The following MCM9 variants were observed in gnomAD, a reference collection of about 807,000 sequenced individuals.
MCM9 encodes DNA helicase MCM9.
A neutral mutation model predicts 72.8 loss-of-function variants in MCM9; 55 were observed. The ratio of observed to expected loss-of-function variants is 0.76; its 90% CI spans 0.61 to 0.95. MCM9 has a LOEUF of 0.95. MCM9 is among the 40% of genes least tolerant of loss of function. The pLI, the probability that MCM9 is intolerant of heterozygous loss-of-function variation, is 0.00. For synonymous variants in MCM9, 480 were observed against 503.4 expected, an observed-to-expected ratio of 0.95 and a Z score of 0.62; for missense variants, 1,279 against 1,377.0, an observed-to-expected ratio of 0.93 and a Z score of 1.13.
intron 9 of MCM9, 30 bp from the exon 10 acceptor site, chr6:118,829,280 T>C (rs780285848): frequency 1.1e-4 from 172 of 1,520,334 alleles, no homozygotes; most frequent in Non-Finnish European, 1.4e-4. Flanking sequence ...AATTCACTGA[T>C]TGTGAGGTTC....
At chr6:118,893,988 CGGCCTCCGCGCG>C (rs1779155098) in intron 8 of MCM9, 2 of 983,694 alleles carry the variant, frequency 2.0e-6, no homozygotes, top group Non-Finnish European at 1.2e-6. Flanking sequence ...CCGCCGCCGG[CGGCCTCCGCGCG>C]GGCCTCCCAG....
At position 118,815,568 on chromosome 6, in the gene MCM9, C is replaced by A. The variant is rs140736281; in HGVS notation, c.2688G>T (p.Pro896=). The part of the protein sequence containing the change: ...RMLDSPKRKR[P]KSLAQVEEPA... ...GCTCTTCCACTTGCGCAAGGGATTT[C>A]GGTCTCTTTCTTTTGGGTGAGTCCA... Residue 896 remains proline (P), a synonymous_variant, in exon 14 of 14, where the codon CCG becomes CCT. Transcript: ENST00000619706. 8 of 1,550,266 alleles carry A rather than the reference C, an allele frequency of 5.2e-6. No individual in the cohort carries two copies. In the South Asian group the frequency reaches 9.5e-5, roughly 18 times the overall value.
chr6:118,839,566 T>C (rs1321606023), intron 9 of MCM9, among the ~76,000 whole-genome samples: 3 of 152,218 alleles, frequency 2.0e-5, no homozygotes, highest in Non-Finnish European at 4.4e-5. Context: ...TGGATTTATC[T>C]ACCTACAGTC....
intron 9 of MCM9, among the ~76,000 whole-genome samples, 182 bp from the exon 10 acceptor site, chr6:118,829,432 A>G (rs1774383015): frequency 6.6e-6 from 1 of 152,216 alleles, no homozygotes; most frequent in Non-Finnish European, 1.5e-5. Context: ...TACTGAAACT[A>G]TTCTATCTTA....
At chr6:118,878,674 C>A (rs1487624096) in intron 8 of MCM9, among the ~76,000 whole-genome samples, 1 of 151,830 alleles carries the variant, frequency 6.6e-6, no homozygotes, top group Non-Finnish European at 1.5e-5. Flanking sequence ...TTGGTAATAA[C>A]CCCCAAGGCA....
chr6:118,867,068 A>C (rs1777260731), intron 8 of MCM9, among the ~76,000 whole-genome samples: 1 of 151,850 alleles, frequency 6.6e-6, no homozygotes, highest in Non-Finnish European at 1.5e-5. Context: ...TCAACCAATA[A>C]CTCTATACTC....
At chr6:118,917,825 G>T in intron 5 of MCM9, 64 bp from the exon 6 acceptor site, 1 of 1,382,446 alleles carries the variant, frequency 7.2e-7, no homozygotes, top group South Asian at 1.2e-5. Flanking sequence ...GACTCAAAAT[G>T]ACAAAGGACC....
At position 118,814,976 on chromosome 6, in the gene MCM9, C is replaced by T. The variant is rs1773317139; in HGVS notation, c.3280G>A (p.Ala1094Thr). Residue 1094 changes from alanine (A) to threonine (T), a missense_variant, in exon 14 of 14, where the codon GCT (alanine) becomes ACT (threonine). Transcript: ENST00000619706. ...RGPSSPPTTT[A>T]PMRVSKRKSF... ...TTCCTTTTACTGACACGCATTGGAGCTGTGGTTGTAGGAGGGGAGCTTGGG... is the reference window on the plus strand; with the variant it reads ...TTCCTTTTACTGACACGCATTGGAGTTGTGGTTGTAGGAGGGGAGCTTGGG... 6.5e-7 allele frequency: 1 copy of T among 1,550,250 alleles called. No individual in the cohort carries two copies. The highest frequency in any genetic ancestry group is 1.4e-5 in the African/African-American group (1 of 72,962).
At chr6:118,851,687 T>C (rs909567258) in intron 9 of MCM9, among the ~76,000 whole-genome samples, 3 of 151,794 alleles carry the variant, frequency 2.0e-5, no homozygotes, top group African/African-American at 7.3e-5. Flanking sequence ...TGTAAAGAAA[T>C]TGCAAGGCTA....
chr6:118,816,845 G>GT (rs35416621), intron 13 of MCM9, among the ~76,000 whole-genome samples: 20,598 of 152,138 alleles, frequency 0.14, 1,548 homozygotes, highest in Non-Finnish European at 0.17. Context: ...GGAGTCAAGA[G>GT]TCTGTGATAC....
At chr6:118,911,232 CAGT>C (rs1780522620) in intron 8 of MCM9, 5 of 986,744 alleles carry the variant, frequency 5.1e-6, no homozygotes, top group African/African-American at 1.7e-5. Context: ...TAAGAAATTT[CAGT>C]AGGAGCTACT....
chr6:118,899,228 A>T (rs570015649), intron 8 of MCM9, among the ~76,000 whole-genome samples: 10 of 152,340 alleles, frequency 6.6e-5, no homozygotes, highest in Admixed American at 1.3e-4. Context: ...TTAAAATGAA[A>T]GTTGGCTCCT....
intron 13 of MCM9, 52 bp downstream of exon 13, chr6:118,826,095 A>G (rs1255296808): frequency 5.9e-6 from 9 of 1,519,208 alleles, no homozygotes; most frequent in Non-Finnish European, 8.0e-6. Flanking sequence ...GTTTCACTAA[A>G]TGCCAAACAA....
intron 8 of MCM9, among the ~76,000 whole-genome samples, chr6:118,881,038 T>C (rs185450651): frequency 6.6e-6 from 1 of 152,274 alleles, no homozygotes. Context: ...ATTATAACAA[T>C]ATACTGCAAT....
At chr6:118,892,807 CCA>C (rs1779035174) in intron 8 of MCM9, among the ~76,000 whole-genome samples, 1 of 152,138 alleles carries the variant, frequency 6.6e-6, no homozygotes, top group Admixed American at 6.5e-5. Flanking sequence ...GAACTCTTCC[CCA>C]CTCTAACCGG....
intron 8 of MCM9, among the ~76,000 whole-genome samples, chr6:118,903,802 A>C (rs762974150): frequency 6.6e-6 from 1 of 152,122 alleles, no homozygotes; most frequent in Non-Finnish European, 1.5e-5. Flanking sequence ...GCCCAGGATA[A>C]TCTCAAATTC....
At chr6:118,834,226 T>C (rs1774792468) in intron 9 of MCM9, among the ~76,000 whole-genome samples, 1 of 152,248 alleles carries the variant, frequency 6.6e-6, no homozygotes, top group Non-Finnish European at 1.5e-5. Flanking sequence ...TTCCGTGGTA[T>C]ATATGTGCCA....
chr6:118,908,731 G>A (rs773740955), intron 8 of MCM9: 3 of 152,468 alleles, frequency 2.0e-5, no homozygotes, highest in Non-Finnish European at 4.4e-5. Context: ...TTCTTTGAGA[G>A]TTAAGTCCTT....
At chr6:118,827,392 C>CT (rs1385392378) in intron 11 of MCM9, among the ~76,000 whole-genome samples, 5 of 151,884 alleles carry the variant, frequency 3.3e-5, no homozygotes, top group African/African-American at 1.2e-4. Context: ...CATGTGAATT[C>CT]TTTTTTTAGA....
Sources: allele counts gnomAD v4.1 joint callset (sites outside exome capture counted in the v4.1 genomes callset), GRCh38; gene constraint gnomAD v4.1.1; transcripts MANE v1.5; gene names NCBI Gene and HGNC (gene_info 2026-07-23, HGNC 2026-07-21).